CNTN5: variants seen among roughly 807,000 people sequenced by gnomAD.
CNTN5 encodes the protein contactin-5.
CNTN5 carries 77 observed loss-of-function variants against 129.1 expected under a neutral mutation model. The ratio of observed to expected loss-of-function variants is 0.60; its 90% CI spans 0.50 to 0.72. The LOEUF (loss-of-function observed/expected upper bound fraction) is 0.72. Ranked by LOEUF, CNTN5 falls within the 30% of genes least tolerant of loss-of-function variation. The pLI is 0.00. For missense variants in CNTN5, 1,478 were observed against 1,328.8 expected (o/e 1.11, Z -1.75); for synonymous variants, 509 against 465.6 (o/e 1.09, Z -1.20).
At chr11:99,619,631 G>C (rs1950867650) in intron 3 of CNTN5, among the ~76,000 whole-genome samples, 1 of 151,976 alleles carries the variant, frequency 6.6e-6, no homozygotes, top group Non-Finnish European at 1.5e-5. Context: ...CTATAATTTT[G>C]GAACTCTGTG....
chr11:99,115,388 A>G (rs930731567), intron 1 of CNTN5, among the ~76,000 whole-genome samples: 5 of 152,220 alleles, frequency 3.3e-5, no homozygotes, highest in African/African-American at 1.2e-4. Flanking sequence ...TACATATAGT[A>G]TACATTTTTA....
At chr11:100,234,435 A>T (rs1261770517) in intron 16 of CNTN5, among the ~76,000 whole-genome samples, 1 of 152,236 alleles carries the variant, frequency 6.6e-6, no homozygotes, top group Non-Finnish European at 1.5e-5. Context: ...AAAATGTGGC[A>T]TATATACACC....
intron 2 of CNTN5, among the ~76,000 whole-genome samples, chr11:99,501,545 G>T (rs1946427521): frequency 6.6e-6 from 1 of 152,194 alleles, no homozygotes; most frequent in Non-Finnish European, 1.5e-5. Flanking sequence ...GCAAGATGCT[G>T]CAGTTGCAAA....
intron 13 of CNTN5, among the ~76,000 whole-genome samples, chr11:100,121,249 T>G (rs948671829): frequency 9.9e-5 from 15 of 152,084 alleles, no homozygotes; most frequent in Admixed American, 1.3e-4. Context: ...GCGGAACTGA[T>G]GGACTTGAAG....
chr11:99,283,406 A>T (rs934137368), intron 1 of CNTN5, among the ~76,000 whole-genome samples: 2 of 152,064 alleles, frequency 1.3e-5, no homozygotes, highest in South Asian at 4.1e-4. Context: ...ATGTGCACAC[A>T]CACATGCACA....
intron 1 of CNTN5, among the ~76,000 whole-genome samples, chr11:99,178,359 CA>C (rs1565380310): frequency 7.6e-6 from 1 of 132,376 alleles, no homozygotes; most frequent in East Asian, 2.0e-4. Flanking sequence ...CACACACACA[CA>C]CACACACAAA....
intron 2 of CNTN5, among the ~76,000 whole-genome samples, chr11:99,520,113 C>G (rs754190518): frequency 6.6e-6 from 1 of 151,910 alleles, no homozygotes; most frequent in African/African-American, 2.4e-5. Flanking sequence ...TTCAATACAA[C>G]CAGAAAGTAT....
rs1950988971 is a variant in CNTN5, at chr11:99,962,913, G to A, written c.877+5904G>A. ...TTGCATTTCTCTGATGGCCAGTGAT[G>A]ATGAGCATTTTTTCATGTGTTTTTT... On this transcript the variant is annotated intron_variant, in intron 8 of 24. Transcript: ENST00000524871. Among the ~76,000 whole-genome samples the A allele has an allele frequency of 7.3e-5, 11 of 150,778 alleles. No homozygotes were observed. In the South Asian group the frequency reaches 2.3e-3, roughly 31 times the overall value.
At position 100,354,067 on chromosome 11, in the gene CNTN5, C is replaced by T. The variant is rs1012276176; in HGVS notation, c.3200-2050C>T. 7.9e-5 allele frequency among the ~76,000 whole-genome samples: 12 copies of T among 151,432 alleles called. No individual in the cohort carries two copies. In the South Asian group the frequency reaches 2.5e-3, roughly 31 times the overall value. ...ACACGAGTATCTAAATCCACTAATT[C>T]CTACCTCAATTACTCTAAGCAAGTT... On this transcript the variant is annotated intron_variant, in intron 24 of 24. Coordinates refer to ENST00000524871, the MANE Select transcript of CNTN5 (RefSeq NM_014361.4).
intron 6 of CNTN5, among the ~76,000 whole-genome samples, chr11:99,858,556 T>C (rs1383638199): frequency 6.6e-6 from 1 of 151,572 alleles, no homozygotes; most frequent in Non-Finnish European, 1.5e-5. Flanking sequence ...AATGTTTCCC[T>C]ATCCTCCATT....
chr11:100,074,383 C>CAT, intron 13 of CNTN5, 89 bp downstream of exon 13: 2 of 1,113,370 alleles, frequency 1.8e-6, no homozygotes, highest in Non-Finnish European at 2.6e-6. Flanking sequence ...AAGAGTCTTG[C>CAT]AGTACCGTGA....
chr11:99,266,397 A>G (rs1862891506), intron 1 of CNTN5, among the ~76,000 whole-genome samples: 1 of 151,992 alleles, frequency 6.6e-6, no homozygotes, highest in South Asian at 2.1e-4. Flanking sequence ...CCAAGAATTC[A>G]AGACCAACCT....
chr11:100,127,602 C>A (rs558003377), intron 13 of CNTN5, among the ~76,000 whole-genome samples: 3 of 149,950 alleles, frequency 2.0e-5, no homozygotes, highest in Non-Finnish European at 3.0e-5. Flanking sequence ...AGCAGAAAGC[C>A]AAATGAATCT....
intron 6 of CNTN5, among the ~76,000 whole-genome samples, chr11:99,876,937 A>C (rs1948647393): frequency 6.6e-6 from 1 of 152,154 alleles, no homozygotes; most frequent in Admixed American, 6.5e-5. Flanking sequence ...TGTGTGCCTC[A>C]GTTTCTTTTA....
chr11:99,617,299 A>G (rs1008383745), intron 3 of CNTN5, among the ~76,000 whole-genome samples: 1 of 152,176 alleles, frequency 6.6e-6, no homozygotes, highest in Non-Finnish European at 1.5e-5. Context: ...GTAAGTTATT[A>G]TTGAAGGGGA....
At chr11:99,645,084 T>G (rs1422981413) in intron 3 of CNTN5, among the ~76,000 whole-genome samples, 2 of 139,706 alleles carry the variant, frequency 1.4e-5, no homozygotes, top group Admixed American at 7.7e-5. Flanking sequence ...GCCAATATGG[T>G]GAAACTCCGT....
chr11:99,420,004 T>C (rs2656199), intron 2 of CNTN5, among the ~76,000 whole-genome samples: 54,417 of 151,668 alleles, frequency 0.36, 11,223 homozygotes, highest in Non-Finnish European at 0.49. Context: ...AGACAGAAAA[T>C]TAAATAAAGT....
chr11:100,336,128 T>C (rs1016231146), intron 21 of CNTN5, among the ~76,000 whole-genome samples: 1 of 152,204 alleles, frequency 6.6e-6, no homozygotes, highest in Non-Finnish European at 1.5e-5. Context: ...CCATTATATG[T>C]GGCTTAAAAT....
intron 1 of CNTN5, among the ~76,000 whole-genome samples, chr11:99,234,339 T>C (rs985695691): frequency 2.6e-5 from 4 of 152,112 alleles, no homozygotes; most frequent in Non-Finnish European, 5.9e-5. Flanking sequence ...TTAAAATACA[T>C]GAAGACAGAA....
Sources: gnomAD v4.1 joint callset for allele counts (sites outside exome capture counted in the v4.1 genomes callset) on GRCh38, gnomAD v4.1.1 for gene constraint, MANE v1.5 for transcripts, NCBI Gene and HGNC (gene_info 2026-07-23, HGNC 2026-07-21) for gene names.